FILIP1: variants seen among roughly 807,000 people sequenced by gnomAD.
FILIP1 encodes the protein filamin A interacting protein 1, also known as filamin-A-interacting protein 1.
In FILIP1, 61 loss-of-function variants were observed where a neutral mutation model predicts 102.1. The observed-to-expected ratio is 0.60, with a 90% confidence interval of 0.49 to 0.74. The LOEUF (loss-of-function observed/expected upper bound fraction) is 0.74, where lower values mean the gene tolerates loss of function less well. FILIP1 is among the 30% of genes least tolerant of loss of function. The pLI is 0.00. For missense variants in FILIP1, 1,314 were observed against 1,441.2 expected (o/e 0.91, Z 1.43); for synonymous variants, 491 against 526.9 (o/e 0.93, Z 0.93).
intron 4 of FILIP1, among the ~76,000 whole-genome samples, chr6:75,337,214 G>C (rs1774271906): frequency 6.6e-6 from 1 of 152,188 alleles, no homozygotes; most frequent in African/African-American, 2.4e-5. Context: ...AGGTCCCCAG[G>C]TCGAGTCCTA....
intron 4 of FILIP1, among the ~76,000 whole-genome samples, chr6:75,315,744 G>A (rs1253026307): frequency 6.6e-6 from 1 of 152,230 alleles, no homozygotes; most frequent in African/African-American, 2.4e-5. Flanking sequence ...GTAAGTGGCA[G>A]GGCTGGGTTT....
intron 2 of FILIP1, among the ~76,000 whole-genome samples, chr6:75,387,508 CAGTGTAAG>C (rs1776140367): frequency 6.6e-6 from 1 of 152,202 alleles, no homozygotes; most frequent in East Asian, 1.9e-4. Flanking sequence ...CTCCCACCAA[CAGTGTAAG>C]AGCGTTCCTA....
At chr6:75,449,989 G>A (rs181757401) in intron 1 of FILIP1, among the ~76,000 whole-genome samples, 9 of 152,124 alleles carry the variant, frequency 5.9e-5, no homozygotes, top group Admixed American at 2.0e-4. Context: ...ACTGGAGTGC[G>A]GTGGTGCAAT....
chr6:75,461,871 C>G (rs1455240922), intron 1 of FILIP1, among the ~76,000 whole-genome samples: 8 of 152,110 alleles, frequency 5.3e-5, no homozygotes, highest in Non-Finnish European at 1.5e-5. Flanking sequence ...ATGGGGTGTG[C>G]GTGCTCAGAG....
At chr6:75,348,070 C>CACACACACAA (rs1774654321) in intron 4 of FILIP1, among the ~76,000 whole-genome samples, 2 of 151,726 alleles carry the variant, frequency 1.3e-5, no homozygotes, top group African/African-American at 2.4e-5. Flanking sequence ...TATACACACA[C>CACACACACAA]ACACACACAC....
intron 1 of FILIP1, among the ~76,000 whole-genome samples, chr6:75,443,647 G>T (rs1051516289): frequency 6.6e-6 from 1 of 152,148 alleles, no homozygotes; most frequent in African/African-American, 2.4e-5. Context: ...TTCACATTCA[G>T]ATTCTGATTC....
intron 1 of FILIP1, among the ~76,000 whole-genome samples, chr6:75,454,394 G>T (rs1405245307): frequency 1.3e-5 from 2 of 152,110 alleles, no homozygotes; most frequent in African/African-American, 2.4e-5. Flanking sequence ...GAAATGCTCT[G>T]CTTTTAAAGA....
intron 2 of FILIP1, among the ~76,000 whole-genome samples, chr6:75,411,284 C>A (rs1012756564): frequency 6.6e-6 from 1 of 151,772 alleles, no homozygotes; most frequent in Non-Finnish European, 1.5e-5. Flanking sequence ...TTCTTGTAAA[C>A]TTGTTTAAGT....
intron 4 of FILIP1, among the ~76,000 whole-genome samples, chr6:75,317,328 C>T (rs1311352772): frequency 1.3e-5 from 2 of 152,100 alleles, no homozygotes; most frequent in Non-Finnish European, 2.9e-5. Context: ...ACAAGCTTAG[C>T]GTTCCAATAA....
intron 1 of FILIP1, among the ~76,000 whole-genome samples, chr6:75,493,124 T>C (rs1268601292): frequency 1.3e-5 from 2 of 152,232 alleles, no homozygotes; most frequent in Non-Finnish European, 1.5e-5. Flanking sequence ...TCCTTTGTCA[T>C]AGTTCTGTTA....
At chr6:75,363,765 T>C (rs185059841) in intron 2 of FILIP1, among the ~76,000 whole-genome samples, 3 of 152,344 alleles carry the variant, frequency 2.0e-5, no homozygotes, top group Admixed American at 6.5e-5. Flanking sequence ...TATTTCCATA[T>C]GGGGACACAC....
At chr6:75,355,827 C>T (rs1422938918) in intron 3 of FILIP1, among the ~76,000 whole-genome samples, 2 of 152,200 alleles carry the variant, frequency 1.3e-5, no homozygotes, top group Non-Finnish European at 2.9e-5. Context: ...CCAAATCTTA[C>T]AATCTTGATA....
chr6:75,386,209 C>G (rs954112221), intron 2 of FILIP1: 1 of 152,158 alleles, frequency 6.6e-6, no homozygotes, highest in Admixed American at 6.6e-5. Context: ...CATAATCGTG[C>G]TTCATCATCT....
intron 4 of FILIP1, among the ~76,000 whole-genome samples, chr6:75,343,421 T>A (rs1015499359): frequency 1.3e-5 from 2 of 152,162 alleles, no homozygotes; most frequent in African/African-American, 4.8e-5. Flanking sequence ...TTACTCTCCA[T>A]CTTTGTCCCC....
In FILIP1 at chr6:75,432,169, A is replaced by C. The variant is rs567248601; in HGVS notation, c.-6-17191T>G. 4.6e-5 allele frequency among the ~76,000 whole-genome samples: 7 copies of C among 152,340 alleles called. No homozygotes were observed. In the East Asian group the frequency reaches 1.3e-3, roughly 29 times the overall value. ...CATATTTATAAATACCATACCCTACATATGAATGTATCATTGAAAAGGTGA... is the reference window on the plus strand; with the variant it reads ...CATATTTATAAATACCATACCCTACCTATGAATGTATCATTGAAAAGGTGA... On this transcript the variant is annotated intron_variant, in intron 1 of 5. Transcript: ENST00000237172.
intron 1 of FILIP1, among the ~76,000 whole-genome samples, chr6:75,456,819 A>G (rs1195501155): frequency 6.6e-6 from 1 of 152,062 alleles, no homozygotes; most frequent in Admixed American, 6.5e-5. Context: ...CGGCCTCCCA[A>G]AGTGTTGGGA....
intron 2 of FILIP1, among the ~76,000 whole-genome samples, chr6:75,377,360 TA>T (rs1249443096): frequency 6.6e-6 from 1 of 152,206 alleles, no homozygotes; most frequent in East Asian, 1.9e-4. Flanking sequence ...CATTTGCTTG[TA>T]AAATTATCTT....
chr6:75,335,223 C>G (rs1774203094), intron 4 of FILIP1, among the ~76,000 whole-genome samples: 1 of 152,148 alleles, frequency 6.6e-6, no homozygotes, highest in Admixed American at 6.6e-5. Context: ...AATGAAAACA[C>G]TGCAGTATGG....
intron 3 of FILIP1, 55 bp downstream of exon 3, chr6:75,362,689 G>T: frequency 6.5e-7 from 1 of 1,545,690 alleles, no homozygotes; most frequent in Non-Finnish European, 8.8e-7. Context: ...GGAAGAATGT[G>T]AAGATATCTC....
Sources: allele counts gnomAD v4.1 joint callset (sites outside exome capture counted in the v4.1 genomes callset), GRCh38; gene constraint gnomAD v4.1.1; transcripts MANE v1.5; gene names NCBI Gene and HGNC (gene_info 2026-07-23, HGNC 2026-07-21).